The following FAM120B variants were observed in gnomAD, a reference collection of about 807,000 sequenced individuals.
FAM120B encodes the protein constitutive coactivator of peroxisome proliferator-activated receptor gamma.
Under a neutral mutation model 96.3 loss-of-function variants are expected in FAM120B, and 83 were observed. The ratio of observed to expected loss-of-function variants is 0.86; its 90% CI spans 0.72 to 1.03. The LOEUF (loss-of-function observed/expected upper bound fraction) is 1.03, where lower values mean the gene tolerates loss of function less well. FAM120B is among the 50% of genes least tolerant of loss of function. FAM120B has a pLI of 0.00. For synonymous variants in FAM120B, 407 were observed against 402.7 expected, an observed-to-expected ratio of 1.01 and a Z score of -0.13; for missense variants, 1,027 against 1,121.2, an observed-to-expected ratio of 0.92 and a Z score of 1.20.
rs546641476 is a variant in FAM120B at position 170,321,715 on chromosome 6, G to T, written c.1735-1364G>T. Among the ~76,000 whole-genome samples, 4 of 152,264 alleles carry T rather than the reference G, an allele frequency of 2.6e-5. No homozygotes were observed. In the East Asian group the frequency reaches 7.7e-4, roughly 29 times the overall value. Reference sequence around the variant, plus strand: ...CTTATAGAACATGCATTGGCAGTGAGCTGCAAGCCACACCTCAGGACAAGT... The same window carrying T: ...CTTATAGAACATGCATTGGCAGTGATCTGCAAGCCACACCTCAGGACAAGT... On this transcript the variant is annotated intron_variant, in intron 2 of 10. Transcript: ENST00000476287.
chr6:170,311,960 C>T lies in FAM120B; in HGVS notation c.-22+5118C>T, dbSNP rs546900184. 1.1e-4 allele frequency among the ~76,000 whole-genome samples: 17 copies of T among 152,218 alleles called. 1 individual carries two copies. The South Asian group carries it at 3.1e-3, about 28-fold the overall frequency. ...GGTCTAAGACTTATATACAAGGATG[C>T]GTTTCATATTCTTAGTTATGGCGTG... On this transcript the variant is annotated intron_variant, in intron 1 of 10. Coordinates refer to ENST00000476287, the MANE Select transcript of FAM120B (RefSeq NM_032448.3).
At chr6:170,310,815 T>TC (rs1443977663) in intron 1 of FAM120B, among the ~76,000 whole-genome samples, 1 of 152,236 alleles carries the variant, frequency 6.6e-6, no homozygotes, top group Non-Finnish European at 1.5e-5. Flanking sequence ...CTCAGAGGAC[T>TC]CCGAGTCTTT....
chr6:170,351,572 A>G (rs1787584363), intron 5 of FAM120B, among the ~76,000 whole-genome samples: 1 of 152,220 alleles, frequency 6.6e-6, no homozygotes, highest in Admixed American at 6.5e-5. Context: ...TACAAAGGGA[A>G]ACCCATCAGA....
chr6:170,317,919 G>C lies in FAM120B; in HGVS notation c.529G>C (p.Gly177Arg). The change falls in exon 2 of 11, where the codon GGG (glycine) becomes CGG (arginine). Residue 177 changes from glycine to arginine, a missense_variant. By Grantham distance (125) the Gly-to-Arg change is moderately radical. This residue lies in a region of FAM120B where 880 missense variants were observed against 980.9 expected (regional missense o/e 0.90). Transcript: ENST00000476287. ...CCAGCATAACTGTCTTGGGATTCTG[G>C]GGGAAGACACTGATTACCTAATCTA... is the stretch of plus-strand genomic sequence containing the variant. ...GLQHNCLGIL[G>R]EDTDYLIYDT... 6.2e-7 allele frequency: 1 copy of C among 1,614,124 alleles called. No individual in the cohort carries two copies. The highest frequency in any genetic ancestry group is 2.2e-5 in the East Asian group (1 of 44,878).
chr6:170,353,509 C>T (rs1208431249), intron 5 of FAM120B, among the ~76,000 whole-genome samples: 1 of 152,158 alleles, frequency 6.6e-6, no homozygotes, highest in East Asian at 1.9e-4. Context: ...CACTAAAATA[C>T]TGGCAAACCA....
intron 1 of FAM120B, among the ~76,000 whole-genome samples, chr6:170,298,718 T>C (rs2114978072): frequency 6.6e-6 from 1 of 152,332 alleles, no homozygotes; most frequent in Non-Finnish European, 1.5e-5. Flanking sequence ...ATTGAGACTG[T>C]TCTTATTCCT....
chr6:170,324,931 C>T (rs1238846730), intron 3 of FAM120B, among the ~76,000 whole-genome samples: 1 of 152,178 alleles, frequency 6.6e-6, no homozygotes, highest in African/African-American at 2.4e-5. Context: ...GTAGAGTGTT[C>T]TGTAAATGTC....
intron 9 of FAM120B, among the ~76,000 whole-genome samples, chr6:170,402,833 G>A (rs556334331): frequency 2.6e-5 from 4 of 152,328 alleles, no homozygotes; most frequent in African/African-American, 7.2e-5. Context: ...CAATAAAACT[G>A]TAATGACCTC....
upstream of FAM120B, among the ~76,000 whole-genome samples, chr6:170,304,494 CTCTTT>C (rs754798797): frequency 8.7e-4 from 132 of 152,334 alleles, 1 homozygote; most frequent in Admixed American, 2.3e-3. Flanking sequence ...GATTTTCCTT[CTCTTT>C]TATCTTTCTC....
At position 170,376,982 on chromosome 6, in the gene FAM120B, G is replaced by A. The variant is rs540156677; in HGVS notation, c.2284-11305G>A. On this transcript the variant is annotated intron_variant, in intron 6 of 10. Coordinates refer to ENST00000476287, the MANE Select transcript of FAM120B (RefSeq NM_032448.3). ...CAGGGCTGCTCTGTGCTGTGCACAC[G>A]CGTCCCTAAACCCAGACGCCTGGGA... Among the ~76,000 whole-genome samples the A allele has an allele frequency of 1.1e-3, 154 of 146,572 alleles. 1 individual carries two copies. Among genetic ancestry groups the A allele is most frequent in the Non-Finnish European group, 1.6e-3 (104 of 66,972 alleles).
chr6:170,315,964 CAA>C (rs934498264), intron 1 of FAM120B, among the ~76,000 whole-genome samples: 1 of 136,414 alleles, frequency 7.3e-6, no homozygotes, highest in African/African-American at 2.8e-5. Flanking sequence ...GCAGCTAAGA[CAA>C]GAGGATCGCT....
chr6:170,352,885 T>G (rs1787669042), intron 5 of FAM120B, among the ~76,000 whole-genome samples: 1 of 150,574 alleles, frequency 6.6e-6, no homozygotes, highest in Non-Finnish European at 1.5e-5. Flanking sequence ...ATAACCAAGA[T>G]CAGAGCTGAA....
intron 1 of FAM120B, among the ~76,000 whole-genome samples, chr6:170,315,740 T>TA (rs1273991102): frequency 1.3e-5 from 2 of 152,178 alleles, no homozygotes; most frequent in Non-Finnish European, 2.9e-5. Context: ...ATGTGGCTAT[T>TA]AAAAGCATAC....
rs190970156 is a variant in FAM120B at position 170,326,664 on chromosome 6, A to G, written c.1915+3405A>G. On this transcript the variant is annotated intron_variant, in intron 3 of 10. Transcript: ENST00000476287. ...AAGAGCAGCCATAGACAACATGTAC[A>G]TGAATGAATGTGGCTGTGTGCCAGG... Among the ~76,000 whole-genome samples the G allele has an allele frequency of 7.9e-5, 12 of 152,362 alleles. No individual in the cohort carries two copies. In the East Asian group the frequency reaches 1.3e-3, roughly 17 times the overall value.
At position 170,295,487 on chromosome 6, in the gene FAM120B, G is replaced by C. The variant is rs953828905; in HGVS notation, c.48+34G>C. The stretch of plus-strand genomic sequence containing the variant: ...CGCCCGCGTGCACACAAGGCGCGCG[G>C]CCCCCAGGCAGCCGCGCTTCCACAG... On this transcript the variant is annotated intron_variant, in intron 1 of 10. Coordinates refer to the FAM120B transcript ENST00000537664. The surrounding 1 kb of genome is among the most constrained non-coding windows in gnomAD (Gnocchi z 7.8). 1 of 694,630 alleles carries C rather than the reference G, an allele frequency of 1.4e-6. No individual in the cohort carries two copies. Among genetic ancestry groups the C allele is most frequent in the African/African-American group, 1.8e-5 (1 of 56,290 alleles). The allele number at this position is 694,630 out of a possible 1,614,324, so 43.0% of individuals were successfully genotyped here.
intron 9 of FAM120B, among the ~76,000 whole-genome samples, chr6:170,400,590 A>C (rs544230778): frequency 6.6e-6 from 1 of 152,238 alleles, no homozygotes; most frequent in East Asian, 1.9e-4. Context: ...GTGTGGCCTG[A>C]CCGGCTGCAG....
chr6:170,345,460 G>A (rs1042414432), intron 4 of FAM120B, among the ~76,000 whole-genome samples: 1 of 152,176 alleles, frequency 6.6e-6, no homozygotes, highest in Non-Finnish European at 1.5e-5. Context: ...AAGAACTCCT[G>A]TCATAAAACC....
At chr6:170,339,650 G>A (rs533497491) in intron 4 of FAM120B, among the ~76,000 whole-genome samples, 4 of 151,960 alleles carry the variant, frequency 2.6e-5, no homozygotes, top group South Asian at 2.1e-4. Context: ...ATTGTGGCAC[G>A]CACCTGTAAT....
intron 2 of FAM120B, 47 bp from the exon 3 acceptor site, chr6:170,323,032 T>C (rs759194732): frequency 2.0e-6 from 3 of 1,517,440 alleles, no homozygotes; most frequent in Non-Finnish European, 2.7e-6. Flanking sequence ...TGAAGGTTAC[T>C]ATCCTGTTTT....
Sources: allele counts gnomAD v4.1 joint callset (sites outside exome capture counted in the v4.1 genomes callset), GRCh38; gene constraint gnomAD v4.1.1; regional missense constraint gnomAD v4.1.1; non-coding constraint Gnocchi (gnomAD v3.1); transcripts MANE v1.5; gene names NCBI Gene and HGNC (gene_info 2026-07-23, HGNC 2026-07-21).